The following GLI3 variants were observed in gnomAD, a reference collection of about 807,000 sequenced individuals.
The protein encoded by GLI3 is transcription activator GLI3.
A neutral mutation model predicts 100.8 loss-of-function variants in GLI3; 20 were observed. The ratio of observed to expected loss-of-function variants is 0.20; its 90% CI spans 0.14 to 0.29. The LOEUF (loss-of-function observed/expected upper bound fraction) is 0.29. Among genes scored for constraint, GLI3 ranks in the 10% least tolerant of loss-of-function variants. GLI3 has a pLI of 1.00. For synonymous variants in GLI3, 938 were observed against 860.5 expected, an observed-to-expected ratio of 1.09 and a Z score of -1.58; for missense variants, 2,040 against 2,128.5, an observed-to-expected ratio of 0.96 and a Z score of 0.82.
At chr7:42,240,734 G>C (rs1458825318), upstream of GLI3, among the ~76,000 whole-genome samples, 4 of 152,104 alleles carry the variant, frequency 2.6e-5, no homozygotes, top group Non-Finnish European at 5.9e-5. Context: ...ATCATATTCT[G>C]AGGTTCCTAG....
intron 3 of GLI3, among the ~76,000 whole-genome samples, chr7:42,135,244 T>G (rs866200973): frequency 6.6e-6 from 1 of 152,228 alleles, no homozygotes; most frequent in African/African-American, 2.4e-5. Context: ...TAAAAAAATC[T>G]AAAAATTCAT....
At chr7:42,101,059 G>A (rs1799963949) in intron 3 of GLI3, among the ~76,000 whole-genome samples, 2 of 152,154 alleles carry the variant, frequency 1.3e-5, no homozygotes, top group Admixed American at 1.3e-4. Flanking sequence ...TTTTGGGAAG[G>A]CCGCCCTATA....
At chr7:42,095,070 C>T (rs373965451) in intron 3 of GLI3, among the ~76,000 whole-genome samples, 2 of 152,214 alleles carry the variant, frequency 1.3e-5, no homozygotes, top group African/African-American at 2.4e-5. Flanking sequence ...CAGACAAGCA[C>T]AGCCTGCTCG....
At position 42,145,716 on chromosome 7, in the gene GLI3, TGAG is replaced by T. The variant is rs754477638; in HGVS notation, c.367+2507_367+2509del. 1,258 of 396,492 alleles carry T rather than the reference TGAG, an allele frequency of 3.2e-3. 4 individuals carry two copies. Among genetic ancestry groups the T allele is most frequent in the Middle Eastern group, 6.3e-3 (10 of 1,592 alleles). 24.6% of individuals were successfully genotyped at this position (396,492 alleles called of 1,614,324 possible). A position where few individuals can be genotyped will look rare whatever the true frequency, so the allele number is the denominator to read the frequency against. ...TCAACTTATCACATATTGATGATGA[TGAG>T]GAGGAGGAGGATGATGATGTAGAAG... is the stretch of plus-strand genomic sequence containing the variant. On this transcript the variant is annotated intron_variant, in intron 3 of 14. Coordinates refer to ENST00000395925, the MANE Select transcript of GLI3 (RefSeq NM_000168.6).
intron 4 of GLI3, among the ~76,000 whole-genome samples, chr7:42,068,195 AAC>A (rs1298251514): frequency 6.6e-6 from 1 of 152,256 alleles, no homozygotes; most frequent in African/African-American, 2.4e-5. Context: ...GATGTTTTTC[AAC>A]ACAGAGTTAT....
chr7:42,243,199 A>G (rs1383013088), intron 1 of GLI3, among the ~76,000 whole-genome samples: 1 of 152,208 alleles, frequency 6.6e-6, no homozygotes, highest in Non-Finnish European at 1.5e-5. Context: ...AAGGAAGGAC[A>G]TAGGATCTCG....
intron 2 of GLI3, among the ~76,000 whole-genome samples, chr7:42,178,838 G>A (rs1787533960): frequency 6.6e-6 from 1 of 152,212 alleles, no homozygotes; most frequent in Admixed American, 6.5e-5. Context: ...CAGGCAGACA[G>A]AGCAAGGTGA....
intron 10 of GLI3, among the ~76,000 whole-genome samples, chr7:41,981,149 G>C (rs1213240949): frequency 6.6e-6 from 1 of 152,214 alleles, no homozygotes; most frequent in Admixed American, 6.5e-5. Flanking sequence ...CAGAAGAACA[G>C]AGCCTGGTGC....
chr7:42,245,603 C>T (rs1274682770), intron 1 of GLI3, among the ~76,000 whole-genome samples: 2 of 152,116 alleles, frequency 1.3e-5, no homozygotes, highest in East Asian at 1.9e-4. Flanking sequence ...ATTGCTTGAA[C>T]CCGGGAGATG....
At chr7:41,998,046 A>G (rs1788178222) in intron 10 of GLI3, among the ~76,000 whole-genome samples, 1 of 152,072 alleles carries the variant, frequency 6.6e-6, no homozygotes, top group Non-Finnish European at 1.5e-5. Flanking sequence ...TATTTTTTGC[A>G]AAGGGCAAGA....
chr7:42,103,264 T>C (rs1662289052), intron 3 of GLI3, among the ~76,000 whole-genome samples: 6 of 152,172 alleles, frequency 3.9e-5, no homozygotes, highest in Admixed American at 3.9e-4. Context: ...TTTTGTAATC[T>C]AATTTTAGAA....
At chr7:42,155,072 G>A (rs892099254) in intron 2 of GLI3, among the ~76,000 whole-genome samples, 14 of 152,200 alleles carry the variant, frequency 9.2e-5, no homozygotes, top group African/African-American at 3.4e-4. Flanking sequence ...CTCCCTCAAA[G>A]ATTATGGGAT....
chr7:42,009,860 C>T (rs888981500), intron 10 of GLI3, among the ~76,000 whole-genome samples: 4 of 152,190 alleles, frequency 2.6e-5, no homozygotes, highest in Admixed American at 6.5e-5. Flanking sequence ...TGTGCCTCCC[C>T]GTTCCTGGAT....
At chr7:42,151,443 C>T (rs759395263) in intron 2 of GLI3, 3 of 152,172 alleles carry the variant, frequency 2.0e-5, no homozygotes, top group Non-Finnish European at 2.9e-5. Flanking sequence ...TCAGTTGAGC[C>T]GAGTTGTTCA....
intron 2 of GLI3, among the ~76,000 whole-genome samples, chr7:42,174,305 G>GCTTATGAA: frequency 2.0e-5 from 3 of 152,118 alleles, no homozygotes; most frequent in Admixed American, 2.0e-4. Flanking sequence ...TATTTCTTTT[G>GCTTATGAA]ACGTTGCTTA....
intron 3 of GLI3, among the ~76,000 whole-genome samples, chr7:42,129,294 T>A (rs1786212467): frequency 6.6e-6 from 1 of 151,938 alleles, no homozygotes; most frequent in Non-Finnish European, 1.5e-5. Context: ...TTGTTAGGAG[T>A]GGCAGAATTA....
upstream of GLI3, among the ~76,000 whole-genome samples, chr7:42,239,494 T>C (rs955282385): frequency 3.9e-5 from 6 of 152,234 alleles, no homozygotes; most frequent in African/African-American, 1.4e-4. Flanking sequence ...TTAGTATTCA[T>C]GTACTGCTTC....
chr7:42,171,049 C>T (rs907785140), intron 2 of GLI3, among the ~76,000 whole-genome samples: 1 of 152,148 alleles, frequency 6.6e-6, no homozygotes, highest in Non-Finnish European at 1.5e-5. Context: ...CCCCACTCAC[C>T]TCACTTTCCA....
intron 4 of GLI3, among the ~76,000 whole-genome samples, chr7:42,054,683 T>TAAGAAAAAATTTGC (rs1784417039): frequency 6.6e-6 from 1 of 152,154 alleles, no homozygotes; most frequent in Non-Finnish European, 1.5e-5. Context: ...TCAAAATTTG[T>TAAGAAAAAATTTGC]AAGAAAAAAT....
Sources: gnomAD v4.1 joint callset for allele counts (sites outside exome capture counted in the v4.1 genomes callset) on GRCh38, gnomAD v4.1.1 for gene constraint, MANE v1.5 for transcripts, NCBI Gene and HGNC (gene_info 2026-07-23, HGNC 2026-07-21) for gene names.